PBX1: variants seen among roughly 807,000 people sequenced by gnomAD.
The protein encoded by PBX1 is PBX homeobox 1.
In PBX1, 6 loss-of-function variants were observed where a neutral mutation model predicts 53.4. The ratio of observed to expected loss-of-function variants is 0.11; its 90% CI spans 0.06 to 0.22. PBX1 has a LOEUF of 0.22. Ranked by LOEUF, PBX1 falls within the 10% of genes least tolerant of loss-of-function variation. The pLI is 1.00. For missense variants in PBX1, 251 were observed against 551.4 expected, an observed-to-expected ratio of 0.46 and a Z score of 5.46; for synonymous variants, 204 against 212.3, an observed-to-expected ratio of 0.96 and a Z score of 0.34.
chr1:164,568,882 A>G (rs1395526241), intron 2 of PBX1, among the ~76,000 whole-genome samples: 1 of 152,262 alleles, frequency 6.6e-6, no homozygotes, highest in Non-Finnish European at 1.5e-5. Flanking sequence ...TATAACACCT[A>G]TCCCCCATGA....
chr1:164,821,326 T>C (rs1670142022), intron 7 of PBX1, among the ~76,000 whole-genome samples: 1 of 110,976 alleles, frequency 9.0e-6, no homozygotes, highest in South Asian at 3.2e-4. Flanking sequence ...CTTTTACCAT[T>C]TTACGTCTTG....
chr1:164,875,202 G>C (rs192781813), intron 2 of PBX1, among the ~76,000 whole-genome samples: 26 of 152,284 alleles, frequency 1.7e-4, no homozygotes, highest in African/African-American at 6.3e-4. Context: ...CGTTACATCT[G>C]TGAAGGAAAA....
chr1:164,756,611 C>G (rs540820810), intron 2 of PBX1, among the ~76,000 whole-genome samples: 1 of 152,200 alleles, frequency 6.6e-6, no homozygotes, highest in African/African-American at 2.4e-5. Context: ...AGAATGGAAG[C>G]CTATATCATG....
rs974541042 is a variant in PBX1 at position 164,846,795 on chromosome 1, A to G, written c.*119A>G. 1.4e-5 allele frequency: 22 copies of G among 1,565,098 alleles called. No individual in the cohort carries two copies. The highest frequency in any genetic ancestry group is 5.4e-5 in the African/African-American group (4 of 74,028). On this transcript the variant is annotated 3_prime_UTR_variant, in exon 9 of 9. Transcript: ENST00000420696. ...GGAGGTCGAAGCAATCAGCAAACAC[A>G]ATAAGAGTCTCCTTCTCTTCTCTTC...
chr1:164,730,831 T>G (rs1268521167), intron 2 of PBX1, among the ~76,000 whole-genome samples: 1 of 152,200 alleles, frequency 6.6e-6, no homozygotes, highest in Non-Finnish European at 1.5e-5. Context: ...TTTACAGTAT[T>G]TTGCCATATT....
chr1:164,758,689 G>A (rs1156660629), intron 2 of PBX1, among the ~76,000 whole-genome samples: 3 of 151,998 alleles, frequency 2.0e-5, no homozygotes, highest in African/African-American at 7.2e-5. Flanking sequence ...CAAAGTATGA[G>A]AGTTAGATCA....
chr1:164,794,263 A>G (rs1024880189), intron 3 of PBX1, among the ~76,000 whole-genome samples: 5 of 152,234 alleles, frequency 3.3e-5, no homozygotes, highest in African/African-American at 1.2e-4. Flanking sequence ...TCTAGGTAGA[A>G]GGCAAATGCA....
intron 2 of PBX1, among the ~76,000 whole-genome samples, chr1:164,623,113 A>T (rs1163001624): frequency 1.3e-5 from 2 of 152,132 alleles, no homozygotes; most frequent in Non-Finnish European, 2.9e-5. Flanking sequence ...ACGCCTGGCC[A>T]GTTGCCATCT....
intron 2 of PBX1, among the ~76,000 whole-genome samples, chr1:164,634,484 G>A (rs952421669): frequency 6.6e-6 from 1 of 152,110 alleles, no homozygotes; most frequent in South Asian, 2.1e-4. Context: ...TGAGCTTGGG[G>A]TACCGTTGAA....
intron 2 of PBX1, among the ~76,000 whole-genome samples, chr1:164,638,729 G>A (rs939039480): frequency 3.3e-5 from 5 of 152,322 alleles, no homozygotes; most frequent in South Asian, 2.1e-4. Flanking sequence ...AGCTCTGACC[G>A]TCACCGTCAC....
chr1:164,652,735 C>T (rs931465349), intron 2 of PBX1, among the ~76,000 whole-genome samples: 12 of 152,120 alleles, frequency 7.9e-5, no homozygotes, highest in Admixed American at 2.0e-4. Context: ...CTAAAATATA[C>T]AGTTTGAAGT....
intron 2 of PBX1, among the ~76,000 whole-genome samples, chr1:164,745,985 C>T (rs1266718247): frequency 1.3e-5 from 2 of 152,196 alleles, no homozygotes; most frequent in Non-Finnish European, 2.9e-5. Context: ...CAGTCACTGA[C>T]CTGTTGCTCG....
intron 2 of PBX1, among the ~76,000 whole-genome samples, chr1:164,776,899 T>TTGTG (rs368787176): frequency 0.026 from 2,474 of 96,956 alleles, 75 homozygotes; most frequent in East Asian, 0.065. Context: ...GGTTTTACAT[T>TTGTG]TGTGTGTGTG....
intron 2 of PBX1, chr1:164,682,813 A>G (rs1661865506): frequency 6.6e-6 from 1 of 152,170 alleles, no homozygotes; most frequent in Non-Finnish European, 1.5e-5. Flanking sequence ...CCTGGGAAAC[A>G]ACTTGTGCCG....
At chr1:164,587,117 G>C (rs562475026) in intron 2 of PBX1, among the ~76,000 whole-genome samples, 1 of 152,284 alleles carries the variant, frequency 6.6e-6, no homozygotes, top group South Asian at 2.1e-4. Context: ...CTCATTCCCG[G>C]TTTTACATAA....
chr1:164,593,356 T>C lies in PBX1; in HGVS notation c.265+30045T>C, dbSNP rs918188595. 3.9e-5 allele frequency among the ~76,000 whole-genome samples: 6 copies of C among 152,222 alleles called. No homozygotes were observed. The South Asian group carries it at 6.2e-4, about 16-fold the overall frequency. On this transcript the variant is annotated intron_variant, in intron 2 of 8. Coordinates refer to ENST00000420696, the MANE Select transcript of PBX1 (RefSeq NM_002585.4). ...TGGTGGGTTGCTGTAGTAGCACTTT[T>C]ATTTTTCAAATGTTAGGTGGACCCC...
intron 2 of PBX1, among the ~76,000 whole-genome samples, chr1:164,773,697 ACT>A (rs1264010140): frequency 6.6e-6 from 1 of 151,908 alleles, no homozygotes; most frequent in Admixed American, 6.6e-5. Context: ...ATGGGCCATG[ACT>A]CTCTCTTCAC....
In PBX1 at chr1:164,618,300, G is replaced by GC. The variant is rs973550136; in HGVS notation, c.265+54989_265+54990insC. On this transcript the variant is annotated intron_variant, in intron 2 of 8. Coordinates refer to ENST00000420696, the MANE Select transcript of PBX1 (RefSeq NM_002585.4). ...ACCCCAGGGAGAATAATCACGGCGG[G>GC]GGGGGGGGGGCACTCAAGATGATCA... Among the ~76,000 whole-genome samples, 17 of 43,706 alleles carry GC rather than the reference G, an allele frequency of 3.9e-4. 1 individual carries two copies. The highest frequency in any genetic ancestry group is 5.9e-4 in the African/African-American group (10 of 16,946). The allele number at this position is 43,706 out of a possible 152,430, so 28.7% of individuals were successfully genotyped here.
chr1:164,569,564 A>ATTTTT (rs71097535), intron 2 of PBX1, among the ~76,000 whole-genome samples: 8 of 78,186 alleles, frequency 1.0e-4, no homozygotes, highest in Non-Finnish European at 1.2e-4. Flanking sequence ...TTTTCCTTGC[A>ATTTTT]TTTTTTTTTT....
Sources: allele counts gnomAD v4.1 joint callset (sites outside exome capture counted in the v4.1 genomes callset), GRCh38; gene constraint gnomAD v4.1.1; transcripts MANE v1.5; gene names NCBI Gene and HGNC (gene_info 2026-07-23, HGNC 2026-07-21).